The following CATSPERD variants were observed in gnomAD, a reference collection of about 807,000 sequenced individuals.
The protein encoded by CATSPERD is cation channel sperm-associated auxiliary subunit delta.
Under a neutral mutation model 98.1 loss-of-function variants are expected in CATSPERD, and 86 were observed. That is an observed-to-expected ratio of 0.88 (90% CI 0.74 to 1.05). The LOEUF (loss-of-function observed/expected upper bound fraction) is 1.05, where lower values mean the gene tolerates loss of function less well. CATSPERD is among the 50% of genes least tolerant of loss of function. CATSPERD has a pLI of 0.00. For synonymous variants in CATSPERD, 394 were observed against 390.2 expected (o/e 1.01, Z -0.12); for missense variants, 995 against 1,005.7 (o/e 0.99, Z 0.14).
At chr19:5,753,378 G>C (rs2145791513) in intron 12 of CATSPERD, 1 of 170,532 alleles carries the variant, frequency 5.9e-6, no homozygotes, top group African/African-American at 2.4e-5. Flanking sequence ...GGCTAACAGT[G>C]AAACCCCATC....
At chr19:5,749,941 T>C (rs998258966) in intron 11 of CATSPERD, among the ~76,000 whole-genome samples, 2 of 150,750 alleles carry the variant, frequency 1.3e-5, no homozygotes, top group South Asian at 2.1e-4. Flanking sequence ...GTAGCTGGGA[T>C]TACAGGCGCA....
intron 11 of CATSPERD, among the ~76,000 whole-genome samples, chr19:5,749,869 T>C (rs1402559963): frequency 1.4e-5 from 2 of 147,430 alleles, no homozygotes; most frequent in Admixed American, 7.0e-5. Flanking sequence ...CACAGCACAA[T>C]CTTGGCTCAC....
At chr19:5,768,800 G>A (rs2056591992) in intron 18 of CATSPERD, among the ~76,000 whole-genome samples, 1 of 151,958 alleles carries the variant, frequency 6.6e-6, no homozygotes, top group Non-Finnish European at 1.5e-5. Flanking sequence ...GTACTGCCAC[G>A]CCCATACGAG....
intron 13 of CATSPERD, among the ~76,000 whole-genome samples, chr19:5,755,441 C>T (rs193065848): frequency 3.3e-4 from 50 of 152,166 alleles, no homozygotes; most frequent in Admixed American, 2.8e-3. Context: ...ACTGATACAG[C>T]CTTTCTGTTT....
intron 4 of CATSPERD, among the ~76,000 whole-genome samples, chr19:5,730,959 C>T (rs1483053694): frequency 6.6e-6 from 1 of 151,448 alleles, no homozygotes; most frequent in Non-Finnish European, 1.5e-5. Flanking sequence ...CGAGATCGCG[C>T]CACTGCACTC....
rs191427801 is a variant in CATSPERD at position 5,770,954 on chromosome 19, G to A, written c.1645G>A (p.Asp549Asn). 258 of 1,608,592 alleles carry A rather than the reference G, an allele frequency of 1.6e-4. No homozygotes were observed. Among genetic ancestry groups the A allele is most frequent in the Non-Finnish European group, 2.1e-4 (242 of 1,177,786 alleles). ...CTTGGTGTCTTGAAGGGAATTCTACGACCCCGGCTTCCAGGGGCAGCAGTC... is the reference window on the plus strand; with the variant it reads ...CTTGGTGTCTTGAAGGGAATTCTACAACCCCGGCTTCCAGGGGCAGCAGTC... ...YSFIIEKEFY[D>N]PGFQGQQSSE... Residue 549 changes from aspartate (D) to asparagine (N), a missense_variant, in exon 19 of 22, where the codon GAC (aspartate) becomes AAC (asparagine). Physicochemically the swap from Asp to Asn is conservative, Grantham distance 23. This residue lies in a region of CATSPERD where 762 missense variants were observed against 773.7 expected (regional missense o/e 0.98). Transcript: ENST00000381624.
At chr19:5,762,735 T>TAG (rs748204433) in intron 15 of CATSPERD, among the ~76,000 whole-genome samples, 1 of 147,740 alleles carries the variant, frequency 6.8e-6, no homozygotes, top group Non-Finnish European at 1.5e-5. Flanking sequence ...AGTGGATGGA[T>TAG]AGAGAGATGG....
At position 5,744,521 on chromosome 19, in the gene CATSPERD, G is replaced by A; in HGVS notation, c.657+11G>A. On this transcript the variant is annotated intron_variant, in intron 8 of 21. Coordinates refer to ENST00000381624, the MANE Select transcript of CATSPERD (RefSeq NM_152784.4). ...GTGAATCAAGGGAAGGTAAGTAACT[G>A]CAGAGGGAAGAACTACTCAGAGGAC... is the stretch of plus-strand genomic sequence containing the variant. 6.2e-7 allele frequency: 1 copy of A among 1,604,692 alleles called. No individual in the cohort carries two copies. Among genetic ancestry groups the A allele is most frequent in the Non-Finnish European group, 8.5e-7 (1 of 1,172,684 alleles).
At chr19:5,768,269 T>G (rs1195144504) in intron 18 of CATSPERD, 27 bp downstream of exon 18, 2 of 1,602,288 alleles carry the variant, frequency 1.2e-6, no homozygotes, top group Admixed American at 3.3e-5. Flanking sequence ...CCGCAACACC[T>G]GACACCCAAG....
chr19:5,771,180 T>C (rs986272642), intron 19 of CATSPERD, 108 bp downstream of exon 19: 3 of 1,242,352 alleles, frequency 2.4e-6, no homozygotes, highest in South Asian at 1.5e-5. Flanking sequence ...TCCCTCAAAA[T>C]GATGATGGTC....
chr19:5,765,399 T>C (rs2056517171), intron 16 of CATSPERD, among the ~76,000 whole-genome samples: 1 of 141,004 alleles, frequency 7.1e-6, no homozygotes, highest in South Asian at 2.3e-4. Flanking sequence ...TTCTAGGCCA[T>C]TGATTTATTC....
intron 16 of CATSPERD, among the ~76,000 whole-genome samples, chr19:5,765,405 TATTCATTC>T (rs71172767): frequency 0.033 from 4,593 of 141,038 alleles, 124 homozygotes; most frequent in African/African-American, 0.083. Flanking sequence ...GCCATTGATT[TATTCATTC>T]ATTCATTCAT....
At chr19:5,727,138 T>C (rs2055620312) in intron 2 of CATSPERD, 130 bp from the exon 3 acceptor site, 2 of 619,922 alleles carry the variant, frequency 3.2e-6, no homozygotes, top group Non-Finnish European at 5.6e-6. Flanking sequence ...GAGCTTGCAG[T>C]GAGCCAAGAT....
intron 17 of CATSPERD, among the ~76,000 whole-genome samples, chr19:5,766,453 C>T (rs1303285605): frequency 1.4e-5 from 1 of 68,988 alleles, no homozygotes; most frequent in East Asian, 3.1e-4. Flanking sequence ...GCAAGACTCT[C>T]GTCTTGAAAA....
In CATSPERD at chr19:5,757,892, A is replaced by G. The variant is rs375112298; in HGVS notation, c.1328A>G (p.Glu443Gly). The change falls in exon 14 of 22, where the codon GAG (glutamate) becomes GGG (glycine). Residue 443 changes from glutamate to glycine, a missense_variant. Coordinates refer to ENST00000381624, the MANE Select transcript of CATSPERD (RefSeq NM_152784.4). ...CTGGGGTTCCAGGCCACCTTCTACG[A>G]GAACGGTTACACATCAGATGGGAAC... ...HSLGFQATFYENGYTSDGNTK... is the reference protein window; with the variant it reads ...HSLGFQATFYGNGYTSDGNTK... 1 of 1,613,356 alleles carries G rather than the reference A, an allele frequency of 6.2e-7. No individual in the cohort carries two copies. Among genetic ancestry groups the G allele is most frequent in the Non-Finnish European group, 8.5e-7 (1 of 1,179,844 alleles).
intron 1 of CATSPERD, among the ~76,000 whole-genome samples, chr19:5,723,361 T>C (rs1224590109): frequency 6.6e-6 from 1 of 150,494 alleles, no homozygotes; most frequent in Non-Finnish European, 1.5e-5. Flanking sequence ...CTCAACTCAC[T>C]GCAACCTCTG....
In CATSPERD at chr19:5,754,158, A is replaced by G. The variant is rs762956246; in HGVS notation, c.1191A>G (p.Ile397Met). ...TAGAGTTTCTGACAGGAGAATTTAT[A>G]TACAGGATGTATACCATTGACATGC... is the stretch of plus-strand genomic sequence containing the variant. ...CKIEFLTGEFIYRMYTIDMHS... is the reference protein window; with the variant it reads ...CKIEFLTGEFMYRMYTIDMHS... Residue 397 changes from isoleucine to methionine, a missense_variant, in exon 13 of 22, where the codon ATA becomes ATG. Physicochemically the swap from Ile to Met is conservative, Grantham distance 10. This residue lies in a region of CATSPERD where 762 missense variants were observed against 773.7 expected (regional missense o/e 0.98). Coordinates refer to ENST00000381624, the MANE Select transcript of CATSPERD (RefSeq NM_152784.4). 1.2e-6 allele frequency: 2 copies of G among 1,612,970 alleles called. No individual in the cohort carries two copies. The highest frequency in any genetic ancestry group is 1.7e-6 in the Non-Finnish European group (2 of 1,179,006).
intron 3 of CATSPERD, 60 bp downstream of exon 3, chr19:5,727,404 C>G: frequency 3.0e-6 from 3 of 1,011,138 alleles, no homozygotes; most frequent in Non-Finnish European, 4.3e-6. Flanking sequence ...AGATTTGCCC[C>G]ATTCATTCGT....
intron 4 of CATSPERD, among the ~76,000 whole-genome samples, chr19:5,733,357 TTCCC>T (rs2055771340): frequency 7.1e-6 from 1 of 141,426 alleles, no homozygotes; most frequent in Non-Finnish European, 1.6e-5. Context: ...TCTTCCTTCC[TTCCC>T]TCCTTCCTTC....
Sources: allele counts gnomAD v4.1 joint callset (sites outside exome capture counted in the v4.1 genomes callset), GRCh38; gene constraint gnomAD v4.1.1; regional missense constraint gnomAD v4.1.1; transcripts MANE v1.5; gene names NCBI Gene and HGNC (gene_info 2026-07-23, HGNC 2026-07-21).